ATG4C: variants seen among roughly 807,000 people sequenced by gnomAD.
ATG4C encodes the protein cysteine protease ATG4C.
ATG4C carries 56 observed loss-of-function variants against 57.6 expected under a neutral mutation model. That is an observed-to-expected ratio of 0.97 (90% CI 0.78 to 1.21). The LOEUF (loss-of-function observed/expected upper bound fraction) is 1.21, where lower values mean the gene tolerates loss of function less well. Among genes scored for constraint, ATG4C ranks in the 50% most tolerant of loss-of-function variants. ATG4C has a pLI of 0.00. For missense variants in ATG4C, 595 were observed against 529.8 expected, an observed-to-expected ratio of 1.12 and a Z score of -1.21; for synonymous variants, 157 against 174.1, an observed-to-expected ratio of 0.90 and a Z score of 0.78.
rs1358406209 is a variant in ATG4C at position 62,821,193 on chromosome 1, TG to T, written c.781del (p.Ala261HisfsTer11). The T allele has an allele frequency of 6.3e-7, 1 of 1,597,470 alleles. No homozygotes were observed. The highest frequency in any genetic ancestry group is 1.3e-5 in the African/African-American group (1 of 74,420). On this transcript the variant is annotated frameshift_variant, in exon 6 of 11. Coordinates refer to ENST00000317868, the MANE Select transcript of ATG4C (RefSeq NM_032852.4). LOFTEE classifies it high-confidence loss of function. ...ATTTACAAGGAATAACTATTTATGT[TG>T]CACAAGATTGTACAGGTAAGGAATG... ...PDLQGITIYV[A>X]QDCTVYNSDV...
chr1:62,830,638 T>A (rs1401642167), intron 7 of ATG4C, among the ~76,000 whole-genome samples: 1 of 152,088 alleles, frequency 6.6e-6, no homozygotes, highest in African/African-American at 2.4e-5. Context: ...TCCTGCTACA[T>A]TGTATGAGGA....
At chr1:62,804,726 A>G (rs2100297177) in intron 2 of ATG4C, among the ~76,000 whole-genome samples, 1 of 152,328 alleles carries the variant, frequency 6.6e-6, no homozygotes, top group South Asian at 2.1e-4. Context: ...GTACTTGGGC[A>G]GAACCAGCTT....
chr1:62,864,905 A>G lies in ATG4C; in HGVS notation c.*746A>G, dbSNP rs917919030. The G allele has an allele frequency of 2.0e-5, 3 of 151,912 alleles. No homozygotes were observed. The highest frequency in any genetic ancestry group is 4.8e-5 in the African/African-American group (2 of 41,440). The allele number at this position is 151,912 out of a possible 1,614,324, so 9.4% of individuals were successfully genotyped here. ...TTTCCTATCTCAAGGGCGAAATTTTATGGGAACTCAATTTATTATGCAGTT... is the reference window on the plus strand; with the variant it reads ...TTTCCTATCTCAAGGGCGAAATTTTGTGGGAACTCAATTTATTATGCAGTT... On this transcript the variant is annotated 3_prime_UTR_variant, in exon 11 of 11. Transcript: ENST00000317868.
At chr1:62,834,738 G>A (rs1557983096) in intron 8 of ATG4C, 38 bp from the exon 9 acceptor site, 4 of 1,544,016 alleles carry the variant, frequency 2.6e-6, no homozygotes, top group Non-Finnish European at 2.7e-6. Context: ...ATAATAAGGT[G>A]TTTTTTGAAT....
rs113923010 is a variant in ATG4C at position 62,834,807 on chromosome 1, C to T, written c.1044C>T (p.Tyr348=). The T allele has an allele frequency of 2.1e-3, 3,458 of 1,612,224 alleles. 66 individuals are homozygous for T. The African/African-American group carries it at 0.04, about 19-fold the overall frequency. ...DDSLIYMDPH[Y]CQSFVDVSIK... ...GTTTGATTTACATGGATCCTCATTA[C>T]TGCCAATCTTTTGTAGATGTCAGCA... The change falls in exon 9 of 11, where the codon TAC becomes TAT. Residue 348 remains tyrosine, a synonymous_variant. Coordinates refer to ENST00000317868, the MANE Select transcript of ATG4C (RefSeq NM_032852.4).
intron 3 of ATG4C, among the ~76,000 whole-genome samples, chr1:62,810,349 T>C (rs1262838244): frequency 1.3e-5 from 2 of 152,220 alleles, no homozygotes; most frequent in South Asian, 2.1e-4. Context: ...TTCTAGTTCT[T>C]AACACATGTC....
rs1665470739 is a variant in ATG4C, at chr1:62,821,201, A to G, written c.788A>G (p.Asp263Gly). ...LQGITIYVAQ[D>G]CTVYNSDVID... Reference sequence around the variant, plus strand: ...GGAATAACTATTTATGTTGCACAAGATTGTACAGGTAAGGAATGTATATAA... The same window carrying G: ...GGAATAACTATTTATGTTGCACAAGGTTGTACAGGTAAGGAATGTATATAA... The change falls in exon 6 of 11, where the codon GAT (aspartate) becomes GGT (glycine). Residue 263 changes from aspartate to glycine, a missense_variant. Asp to Gly is a moderately conservative substitution (Grantham distance 94). Transcript: ENST00000317868. 1 of 1,593,272 alleles carries G rather than the reference A, an allele frequency of 6.3e-7. No individual in the cohort carries two copies. The highest frequency in any genetic ancestry group is 1.1e-5 in the South Asian group (1 of 87,190).
At chr1:62,793,320 T>C (rs1664347533) in intron 1 of ATG4C, among the ~76,000 whole-genome samples, 1 of 151,926 alleles carries the variant, frequency 6.6e-6, no homozygotes, top group African/African-American at 2.4e-5. Context: ...TTAATATTAA[T>C]ACTTACTAGT....
At chr1:62,843,149 T>TA (rs905601018) in intron 10 of ATG4C, among the ~76,000 whole-genome samples, 6 of 147,576 alleles carry the variant, frequency 4.1e-5, no homozygotes, top group South Asian at 2.1e-4. Flanking sequence ...ATTACCAAAT[T>TA]AAAAAAAAAA....
chr1:62,808,188 C>G (rs12752360), intron 3 of ATG4C, among the ~76,000 whole-genome samples: 76,542 of 152,014 alleles, frequency 0.5, 19,975 homozygotes, highest in East Asian at 0.67. Context: ...CAGGGCAGTG[C>G]ATCTGGAAAA....
At chr1:62,810,507 G>A (rs1381024518) in intron 3 of ATG4C, among the ~76,000 whole-genome samples, 1 of 151,904 alleles carries the variant, frequency 6.6e-6, no homozygotes, top group Non-Finnish European at 1.5e-5. Flanking sequence ...ACTGTATGTT[G>A]GTTGATCTCA....
rs1353777900 is a variant in ATG4C at position 62,837,426 on chromosome 1, G to A, written c.1089+2574G>A. On this transcript the variant is annotated intron_variant, in intron 9 of 10. Transcript: ENST00000317868. Reference sequence around the variant, plus strand: ...ACACTGTAATTTTCAAACAGAAAATGAGGTTCAGAGGAGCAGCATGAACAA... The same window carrying A: ...ACACTGTAATTTTCAAACAGAAAATAAGGTTCAGAGGAGCAGCATGAACAA... Among the ~76,000 whole-genome samples, 3 of 152,290 alleles carry A rather than the reference G, an allele frequency of 2.0e-5. No homozygotes were observed. In the East Asian group the frequency reaches 5.8e-4, roughly 29 times the overall value.
At chr1:62,786,245 T>G (rs1190483978) in intron 1 of ATG4C, among the ~76,000 whole-genome samples, 2 of 152,248 alleles carry the variant, frequency 1.3e-5, no homozygotes, top group African/African-American at 4.8e-5. Flanking sequence ...ATATGCTTAC[T>G]GAGCAGCTAT....
intron 1 of ATG4C, among the ~76,000 whole-genome samples, chr1:62,789,597 A>T (rs1664200866): frequency 6.6e-6 from 1 of 151,320 alleles, no homozygotes; most frequent in South Asian, 2.1e-4. Context: ...GTGGATCATG[A>T]GGTCAGGAGA....
chr1:62,814,727 T>A lies in ATG4C; in HGVS notation c.161-1848T>A, dbSNP rs1187781500. Reference sequence around the variant, plus strand: ...TTTCTTATAGGAAGTACTAGCTGAGTCTTGCTTTTTTATCCAATCTGATAA... The same window carrying A: ...TTTCTTATAGGAAGTACTAGCTGAGACTTGCTTTTTTATCCAATCTGATAA... On this transcript the variant is annotated intron_variant, in intron 3 of 10. Coordinates refer to ENST00000317868, the MANE Select transcript of ATG4C (RefSeq NM_032852.4). 2.6e-5 allele frequency among the ~76,000 whole-genome samples: 4 copies of A among 151,968 alleles called. No homozygotes were observed. The East Asian group carries it at 7.7e-4, about 29-fold the overall frequency.
intron 1 of ATG4C, among the ~76,000 whole-genome samples, chr1:62,796,564 T>C (rs1389132527): frequency 1.3e-5 from 2 of 152,210 alleles, no homozygotes; most frequent in African/African-American, 4.8e-5. Flanking sequence ...GCATTTTAAC[T>C]TTATCAGCTG....
intron 9 of ATG4C, among the ~76,000 whole-genome samples, chr1:62,838,424 A>T (rs1443014450): frequency 2.0e-5 from 3 of 152,220 alleles, no homozygotes; most frequent in Non-Finnish European, 4.4e-5. Context: ...TCTGCAATAG[A>T]CAACGATTGT....
At chr1:62,832,556 T>G (rs1306724287) in intron 7 of ATG4C, among the ~76,000 whole-genome samples, 3 of 152,176 alleles carry the variant, frequency 2.0e-5, no homozygotes, top group Non-Finnish European at 2.9e-5. Flanking sequence ...CATTGAGATT[T>G]TTGATACAAT....
In ATG4C at chr1:62,819,133, A is replaced by C. The variant is rs747668895; in HGVS notation, c.523A>C (p.Thr175Pro). The C allele has an allele frequency of 6.6e-5, 107 of 1,613,170 alleles. No homozygotes were observed. Among genetic ancestry groups the C allele is most frequent in the Non-Finnish European group, 8.5e-5 (100 of 1,179,628 alleles). ...AGGGGAAAGAGAATTCAAAACCCCA[A>C]CAATTTCTCTGAAGGAAACAATTGG... ...LSGEREFKTP[T>P]ISLKETIGKY... Residue 175 changes from threonine to proline, a missense_variant, in exon 5 of 11, where the codon ACA (threonine) becomes CCA (proline). Physicochemically the swap from Thr to Pro is conservative, Grantham distance 38. Coordinates refer to ENST00000317868, the MANE Select transcript of ATG4C (RefSeq NM_032852.4).
Sources: gnomAD v4.1 joint callset for allele counts (sites outside exome capture counted in the v4.1 genomes callset) on GRCh38, gnomAD v4.1.1 for gene constraint, MANE v1.5 for transcripts, NCBI Gene and HGNC (gene_info 2026-07-23, HGNC 2026-07-21) for gene names.